The following CCP110 variants were observed in gnomAD, a reference collection of about 807,000 sequenced individuals.
The protein encoded by CCP110 is centriolar coiled-coil protein 110, also known as centriolar coiled-coil protein of 110 kDa.
A neutral mutation model predicts 105.5 loss-of-function variants in CCP110; 43 were observed. That is an observed-to-expected ratio of 0.41 (90% CI 0.32 to 0.53). The LOEUF is 0.53. Ranked by LOEUF, CCP110 falls within the 20% of genes least tolerant of loss-of-function variation. The probability of loss-of-function intolerance (pLI) is 0.32; values close to 1 mark genes in which losing one functional copy is unlikely to be tolerated. For missense variants in CCP110, 1,016 were observed against 1,189.1 expected (o/e 0.85, Z 2.14); for synonymous variants, 353 against 392.1 (o/e 0.90, Z 1.18).
chr16:19,543,000 AT>A lies in CCP110; in HGVS notation c.2484+8del. 2.8e-6 allele frequency: 4 copies of A among 1,417,430 alleles called. No homozygotes were observed. The highest frequency in any genetic ancestry group is 3.0e-6 in the Non-Finnish European group (3 of 1,004,314). 87.8% of individuals were successfully genotyped at this position (1,417,430 alleles called of 1,614,324 possible). On this transcript the variant is annotated splice_region_variant and intron_variant, in intron 8 of 14. Transcript: ENST00000381396. ...AACTTCGACAAACTGTAAAAGTAAG[AT>A]TCCTGTAAATCGTTTGTATTTCACT...
chr16:19,533,690 C>G (rs1229269460), intron 3 of CCP110, among the ~76,000 whole-genome samples: 2 of 152,144 alleles, frequency 1.3e-5, no homozygotes, highest in Non-Finnish European at 2.9e-5. Context: ...GGGATGATTT[C>G]TAGTCATCTT....
At chr16:19,534,928 C>A (rs567178943) in intron 3 of CCP110, among the ~76,000 whole-genome samples, 2 of 145,950 alleles carry the variant, frequency 1.4e-5, no homozygotes, top group East Asian at 4.0e-4. Context: ...TCGCCCAGGC[C>A]GGAGTGCAGT....
chr16:19,539,345 ACCTGTGCAACTTTT>A lies in CCP110; in HGVS notation c.1919-1311_1919-1298del, dbSNP rs1173830546. On this transcript the variant is annotated intron_variant, in intron 4 of 14. Transcript: ENST00000381396. ...ACAGGGTTGGGTCAGACTGCTTAAAACCTGTGCAACTTTTTTTTTTTTTAATTTTTTTTTTTTGA... is the reference window on the plus strand; with the variant it reads ...ACAGGGTTGGGTCAGACTGCTTAAAATTTTTTTTTAATTTTTTTTTTTTGA... Among the ~76,000 whole-genome samples the A allele has an allele frequency of 4.0e-5, 6 of 148,548 alleles. No homozygotes were observed. The Admixed American group carries it at 4.1e-4, about 10-fold the overall frequency.
chr16:19,524,720 G>A (rs986614517), intron 1 of CCP110: 25 of 152,184 alleles, frequency 1.6e-4, no homozygotes, highest in Admixed American at 1.4e-3. Flanking sequence ...TGATTTGACG[G>A]GGAGAGGTCT....
At chr16:19,542,698 A>T (rs1177308446) in exon 7 of CCP110, 1 of 1,613,220 alleles carries the variant, frequency 6.2e-7, no homozygotes, top group Non-Finnish European at 8.5e-7. Flanking sequence ...ATCATCAACT[A>T]GTGGCTTGAC....
intron 10 of CCP110, 59 bp from the exon 11 acceptor site, chr16:19,545,758 A>G: frequency 1.2e-6 from 1 of 855,406 alleles, no homozygotes. Context: ...ATAATACATT[A>G]TAATATAGTG....
intron 14 of CCP110, among the ~76,000 whole-genome samples, chr16:19,550,515 T>C (rs1272389236): frequency 6.6e-6 from 1 of 152,188 alleles, no homozygotes; most frequent in East Asian, 1.9e-4. Context: ...ATGCTAACTA[T>C]GAATCTGAAC....
At chr16:19,545,017 T>C in intron 9 of CCP110, 77 bp from the exon 10 acceptor site, 2 of 971,980 alleles carry the variant, frequency 2.1e-6, no homozygotes, top group Non-Finnish European at 1.6e-6. Context: ...TATAAATAAG[T>C]GTACATGGTA....
At chr16:19,553,107 A>C (rs1970693051) in exon 15 of CCP110, 1 of 152,238 alleles carries the variant, frequency 6.6e-6, no homozygotes, top group African/African-American at 2.4e-5. Context: ...ATTAGTTAAA[A>C]CAAATAGTTT....
rs896773601 is a variant in CCP110 at position 19,548,512 on chromosome 16, T to C, written c.2901-3T>C. The C allele has an allele frequency of 6.5e-7, 1 of 1,527,004 alleles. No individual in the cohort carries two copies. Among genetic ancestry groups the C allele is most frequent in the Non-Finnish European group, 8.8e-7 (1 of 1,132,698 alleles). 94.6% of individuals were successfully genotyped at this position (1,527,004 alleles called of 1,614,324 possible). On this transcript the variant is annotated splice_region_variant and splice_polypyrimidine_tract_variant and intron_variant, in intron 13 of 14. Coordinates refer to ENST00000381396, the Ensembl canonical transcript of CCP110. The surrounding 1 kb of genome is among the most constrained non-coding windows in gnomAD (Gnocchi z 4.1). ...ACTTATTAATTTTTTTATATTCAAT[T>C]AGAACCCCTAAGACATCAGTGAAGG...
At chr16:19,529,630 C>T (rs1415246040) in intron 2 of CCP110, among the ~76,000 whole-genome samples, 1 of 152,212 alleles carries the variant, frequency 6.6e-6, no homozygotes, top group Non-Finnish European at 1.5e-5. Flanking sequence ...GGAGACCTGA[C>T]ACTGCTCCCC....
Position 19,544,940 on chromosome 16 carries a change from T to C in CCP110, c.2586+42T>C, listed in dbSNP as rs764646329. On this transcript the variant is annotated intron_variant, in intron 9 of 14. Coordinates refer to ENST00000381396, the Ensembl canonical transcript of CCP110. ...TGAAGGCTTTTAAGACATGGACATA[T>C]TATATTTCTCCTTTTTTATTTAATC... The C allele has an allele frequency of 3.9e-6, 4 of 1,031,846 alleles. 1 individual carries two copies. Among genetic ancestry groups the C allele is most frequent in the Middle Eastern group, 4.4e-4 (2 of 4,592 alleles). 63.9% of individuals were successfully genotyped at this position (1,031,846 alleles called of 1,614,324 possible). A position where few individuals can be genotyped will look rare whatever the true frequency, so the allele number is the denominator to read the frequency against.
rs527836370 is a variant in CCP110 at position 19,551,542 on chromosome 16, T to C, written c.*294T>C. ...TATGCCCAGATGTCTACAGAGACCC[T>C]TTTTGTAAATGTCAAGGACATTTGG... On this transcript the variant is annotated 3_prime_UTR_variant, in exon 15 of 15. Coordinates refer to ENST00000381396, the Ensembl canonical transcript of CCP110. The C allele has an allele frequency of 8.4e-5, 25 of 296,356 alleles. No individual in the cohort carries two copies. In the South Asian group the frequency reaches 1.1e-3, roughly 13 times the overall value. The allele number at this position is 296,356 out of a possible 1,614,324, so 18.4% of individuals were successfully genotyped here.
chr16:19,536,936 G>A lies in CCP110; in HGVS notation c.1267G>A (p.Glu423Lys), dbSNP rs148705711. Reference sequence around the variant, plus strand: ...TACTGATGAAAACACAAATGTGCCCGAAATTATGCCAAAGTTACCAACTGA... The same window carrying A: ...TACTGATGAAAACACAAATGTGCCCAAAATTATGCCAAAGTTACCAACTGA... The change falls in exon 4 of 15, where the codon GAA becomes AAA. Residue 423 changes from glutamate (E) to lysine (K), a missense_variant. Transcript: ENST00000381396. 876 of 1,614,198 alleles carry A rather than the reference G, an allele frequency of 5.4e-4. 4 individuals carry two copies. In the East Asian group the frequency reaches 0.017, roughly 32 times the overall value.
At chr16:19,538,999 C>G (rs1432684927) in intron 4 of CCP110, among the ~76,000 whole-genome samples, 2 of 151,770 alleles carry the variant, frequency 1.3e-5, no homozygotes, top group African/African-American at 4.8e-5. Context: ...TTAATCCCAG[C>G]TACTTGGGAG....
At chr16:19,551,457 ATTAGTGT>A in exon 15 of CCP110, 1 of 589,994 alleles carries the variant, frequency 1.7e-6, no homozygotes, top group Non-Finnish European at 3.1e-6. Flanking sequence ...GTGAAGACAA[ATTAGTGT>A]TTAGTAATTG....
At chr16:19,536,916 A>G in exon 4 of CCP110, 2 of 1,614,228 alleles carry the variant, frequency 1.2e-6, no homozygotes, top group South Asian at 2.2e-5. Flanking sequence ...CAAGATACTG[A>G]TGAAAACACA....
rs1970530574 is a variant in CCP110, at chr16:19,548,398, GTTCTT to G, written c.2901-113_2901-109del. The G allele has an allele frequency of 1.0e-5, 7 of 693,514 alleles. No individual in the cohort carries two copies. The highest frequency in any genetic ancestry group is 1.7e-5 in the Non-Finnish European group (7 of 418,062). The allele number at this position is 693,514 out of a possible 1,614,324, so 43.0% of individuals were successfully genotyped here. ...TACTGTGCGCATGCATGAGACTTCA[GTTCTT>G]TTCAAGCTTATTTGTGCTTTGGACA... On this transcript the variant is annotated intron_variant, in intron 13 of 14. Coordinates refer to ENST00000381396, the Ensembl canonical transcript of CCP110. The surrounding 1 kb of genome is among the most constrained non-coding windows in gnomAD (Gnocchi z 4.1).
At chr16:19,537,239 G>A (rs1248762610) in exon 4 of CCP110, 1 of 1,614,082 alleles carries the variant, frequency 6.2e-7, no homozygotes, top group Non-Finnish European at 8.5e-7. Context: ...AACTGTGAGT[G>A]GACTCAAGCC....
Sources: allele counts gnomAD v4.1 joint callset (sites outside exome capture counted in the v4.1 genomes callset), GRCh38; gene constraint gnomAD v4.1.1; non-coding constraint Gnocchi (gnomAD v3.1); transcripts MANE v1.5; gene names NCBI Gene and HGNC (gene_info 2026-07-23, HGNC 2026-07-21).